Variants in CALN1 observed in about 807,000 individuals in gnomAD.
CALN1 encodes the protein calcium-binding protein 8.
A neutral mutation model predicts 30.6 loss-of-function variants in CALN1; 17 were observed. That is an observed-to-expected ratio of 0.56 (90% CI 0.38 to 0.83). The LOEUF (loss-of-function observed/expected upper bound fraction) is 0.83, where lower values mean the gene tolerates loss of function less well. Ranked by LOEUF, CALN1 falls within the 40% of genes least tolerant of loss-of-function variation. The pLI, the probability that CALN1 is intolerant of heterozygous loss-of-function variation, is 0.00. For synonymous variants in CALN1, 156 were observed against 131.4 expected, an observed-to-expected ratio of 1.19 and a Z score of -1.28; for missense variants, 291 against 354.9, an observed-to-expected ratio of 0.82 and a Z score of 1.45.
intron 3 of CALN1, among the ~76,000 whole-genome samples, chr7:72,212,098 A>T (rs1792440460): frequency 6.6e-6 from 1 of 152,150 alleles, no homozygotes; most frequent in Admixed American, 6.5e-5. Context: ...CATGCCTGTA[A>T]TCCCAGCACT....
intron 5 of CALN1, among the ~76,000 whole-genome samples, chr7:71,844,650 G>T (rs1188007149): frequency 6.6e-6 from 1 of 152,156 alleles, no homozygotes; most frequent in East Asian, 1.9e-4. Context: ...TGGACCAAAA[G>T]AGGGAACTGT....
chr7:71,937,869 G>A (rs1393730867), intron 5 of CALN1, among the ~76,000 whole-genome samples: 2 of 152,158 alleles, frequency 1.3e-5, no homozygotes, highest in South Asian at 2.1e-4. Flanking sequence ...GTTCCATCAC[G>A]CAGCACCCAA....
chr7:72,030,460 G>A (rs187927689), intron 4 of CALN1, among the ~76,000 whole-genome samples: 138 of 152,254 alleles, frequency 9.1e-4, no homozygotes, highest in Middle Eastern at 3.4e-3. Context: ...CTACAGAAAT[G>A]ACCTCTTTAC....
At chr7:72,082,111 C>A (rs978024336) in intron 4 of CALN1, among the ~76,000 whole-genome samples, 2 of 151,998 alleles carry the variant, frequency 1.3e-5, no homozygotes, top group African/African-American at 2.4e-5. Flanking sequence ...CTCAGCCTCC[C>A]GAGTAGCTGG....
chr7:71,901,492 G>A (rs1793847535), intron 5 of CALN1, among the ~76,000 whole-genome samples: 1 of 149,954 alleles, frequency 6.7e-6, no homozygotes, highest in Admixed American at 6.6e-5. Context: ...CAAAGCTGGA[G>A]GCATCAACAT....
chr7:72,274,101 C>T (rs1797184951), intron 3 of CALN1, among the ~76,000 whole-genome samples: 1 of 151,834 alleles, frequency 6.6e-6, no homozygotes, highest in Admixed American at 6.6e-5. Flanking sequence ...CCCAAATATC[C>T]ACTGAGAATA....
At chr7:71,997,027 A>C (rs1799286507) in intron 5 of CALN1, among the ~76,000 whole-genome samples, 1 of 152,166 alleles carries the variant, frequency 6.6e-6, no homozygotes, top group Non-Finnish European at 1.5e-5. Context: ...CAGGAGTTCA[A>C]GACCAGCCTG....
At chr7:71,914,573 A>G (rs1306764082) in intron 5 of CALN1, among the ~76,000 whole-genome samples, 1 of 151,996 alleles carries the variant, frequency 6.6e-6, no homozygotes, top group African/African-American at 2.4e-5. Flanking sequence ...CAGTAATGGG[A>G]TTGCTGGGTC....
At chr7:72,496,141 C>T in the CALN1 span, among the ~76,000 whole-genome samples, 18 of 152,242 alleles carry the variant, frequency 1.2e-4, no homozygotes, top group African/African-American at 4.3e-4. Context: ...AGGCTGATCT[C>T]GAACTCCTGA....
At chr7:72,124,871 GACAA>G (rs1043738973) in intron 3 of CALN1, among the ~76,000 whole-genome samples, 17 of 151,742 alleles carry the variant, frequency 1.1e-4, no homozygotes, top group Non-Finnish European at 2.5e-4. Context: ...CAATGCAAAA[GACAA>G]ACAGATTTTC....
At chr7:72,310,793 C>T (rs192460626) in intron 2 of CALN1, among the ~76,000 whole-genome samples, 1 of 151,388 alleles carries the variant, frequency 6.6e-6, no homozygotes, top group Admixed American at 6.6e-5. Flanking sequence ...ATCCCAGCAA[C>T]TCAGGAGGCT....
chr7:71,806,751 A>C (rs1231582076), intron 6 of CALN1, among the ~76,000 whole-genome samples: 1 of 152,214 alleles, frequency 6.6e-6, no homozygotes, highest in African/African-American at 2.4e-5. Flanking sequence ...TTACCAAAGA[A>C]TGCAGTTTCC....
intron 5 of CALN1, among the ~76,000 whole-genome samples, chr7:71,837,051 G>C (rs1433865620): frequency 1.3e-5 from 2 of 151,248 alleles, no homozygotes; most frequent in Non-Finnish European, 1.5e-5. Context: ...GGCCAACATG[G>C]TGAAACCCTG....
intron 3 of CALN1, among the ~76,000 whole-genome samples, chr7:72,141,574 AT>A (rs574228778): frequency 9.6e-4 from 142 of 148,382 alleles, no homozygotes; most frequent in African/African-American, 3.3e-3. Context: ...TAACATCACC[AT>A]TTTTTTTTTC....
At chr7:71,975,057 C>G (rs1401963813) in intron 5 of CALN1, among the ~76,000 whole-genome samples, 1 of 152,166 alleles carries the variant, frequency 6.6e-6, no homozygotes, top group Non-Finnish European at 1.5e-5. Flanking sequence ...GGGGCTTTCA[C>G]CAAATCCAAT....
intron 2 of CALN1, among the ~76,000 whole-genome samples, chr7:72,309,195 A>G (rs1353529639): frequency 6.6e-6 from 1 of 152,160 alleles, no homozygotes; most frequent in African/African-American, 2.4e-5. Context: ...TACGGGAGGG[A>G]GACTATTCAG....
At chr7:72,245,618 CTAAATAAA>C (rs36174609) in intron 3 of CALN1, among the ~76,000 whole-genome samples, 4,884 of 143,406 alleles carry the variant, frequency 0.034, 125 homozygotes, top group African/African-American at 0.064. Flanking sequence ...AACTCCATCT[CTAAATAAA>C]TAAATAAATA....
intron 2 of CALN1, among the ~76,000 whole-genome samples, chr7:72,360,636 G>C (rs748151662): frequency 6.8e-6 from 1 of 146,686 alleles, no homozygotes; most frequent in Non-Finnish European, 1.5e-5. Flanking sequence ...TAAGTTCTAG[G>C]GTACACGTGC....
At chr7:72,011,434 C>T (rs926465108) in intron 5 of CALN1, among the ~76,000 whole-genome samples, 5 of 152,092 alleles carry the variant, frequency 3.3e-5, no homozygotes, top group Admixed American at 2.0e-4. Context: ...GCATTGGAGC[C>T]GTGGTCAGAG....
Sources: gnomAD v4.1 joint callset for allele counts (sites outside exome capture counted in the v4.1 genomes callset) on GRCh38, gnomAD v4.1.1 for gene constraint, MANE v1.5 for transcripts, NCBI Gene and HGNC (gene_info 2026-07-23, HGNC 2026-07-21) for gene names.